ZCCHC4: variants seen among roughly 807,000 people sequenced by gnomAD.
ZCCHC4 encodes the protein rRNA N(6)-adenosine-methyltransferase ZCCHC4.
ZCCHC4 carries 54 observed loss-of-function variants against 67.7 expected under a neutral mutation model. That is an observed-to-expected ratio of 0.80 (90% confidence interval 0.64 to 1.00). ZCCHC4 has a LOEUF of 1.00. ZCCHC4 is among the 50% of genes least tolerant of loss of function. The pLI is 0.00. For missense variants in ZCCHC4, 609 were observed against 617.0 expected, an observed-to-expected ratio of 0.99 and a Z score of 0.14; for synonymous variants, 198 against 213.5, an observed-to-expected ratio of 0.93 and a Z score of 0.63.
At chr4:25,340,185 T>C (rs1251184355) in intron 5 of ZCCHC4, among the ~76,000 whole-genome samples, 1 of 152,140 alleles carries the variant, frequency 6.6e-6, no homozygotes. Flanking sequence ...TTTTATTTAT[T>C]GTATGAGGTA....
chr4:25,352,184 G>A, intron 8 of ZCCHC4: 1 of 985,594 alleles, frequency 1.0e-6, no homozygotes, highest in Non-Finnish European at 1.2e-6. Flanking sequence ...GGCTCTGTGT[G>A]AATGTGTTGA....
intron 3 of ZCCHC4, among the ~76,000 whole-genome samples, chr4:25,330,937 C>T (rs570883297): frequency 1.3e-5 from 2 of 152,310 alleles, no homozygotes; most frequent in Admixed American, 1.3e-4. Context: ...GTCAGCTAGT[C>T]TGGAGCGTTT....
In ZCCHC4 at chr4:25,363,251, C is replaced by T. The variant is rs370746210; in HGVS notation, c.1209+950C>T. ...TAGTTTTTCCTTTTCCAGAATATCA[C>T]ACAGTTGGAATCATATAGTATATAG... On this transcript the variant is annotated intron_variant, in intron 10 of 12. Transcript: ENST00000302874. 3.9e-5 allele frequency among the ~76,000 whole-genome samples: 6 copies of T among 152,334 alleles called. No individual in the cohort carries two copies. The East Asian group carries it at 5.8e-4, about 15-fold the overall frequency.
intron 5 of ZCCHC4, 68 bp from the exon 6 acceptor site, chr4:25,345,479 TA>T: frequency 1.1e-6 from 1 of 922,648 alleles, no homozygotes; most frequent in African/African-American, 1.7e-5. Flanking sequence ...TTTATTGTTT[TA>T]AAATTTAGTT....
rs76387353 is a variant in ZCCHC4, at chr4:25,326,480, A to G, written c.330-6703A>G. Among the ~76,000 whole-genome samples, 358 of 152,280 alleles carry G rather than the reference A, an allele frequency of 2.4e-3. 2 individuals are homozygous for G. Among genetic ancestry groups the G allele is most frequent in the African/African-American group, 8.2e-3 (339 of 41,552 alleles). On this transcript the variant is annotated intron_variant, in intron 3 of 12. Transcript: ENST00000302874. ...GAGGGGGCATCATTCAGCCTACTGC[A>G]GCACCTTTCTCAAAAGTCAGTTAAC...
At chr4:25,341,512 C>G (rs561459189) in intron 5 of ZCCHC4, among the ~76,000 whole-genome samples, 1 of 152,298 alleles carries the variant, frequency 6.6e-6, no homozygotes, top group African/African-American at 2.4e-5. Flanking sequence ...TTCCTTTCCA[C>G]CATAAGTAAA....
At chr4:25,313,630 C>CT (rs1335565810) in intron 1 of ZCCHC4, among the ~76,000 whole-genome samples, 1 of 152,156 alleles carries the variant, frequency 6.6e-6, no homozygotes, top group Non-Finnish European at 1.5e-5. Flanking sequence ...AGTTCCAGCA[C>CT]TTGGGGGGCC....
At chr4:25,321,492 C>T (rs1253338039) in intron 3 of ZCCHC4, among the ~76,000 whole-genome samples, 1 of 152,166 alleles carries the variant, frequency 6.6e-6, no homozygotes, top group Non-Finnish European at 1.5e-5. Flanking sequence ...CCTGCCTCAG[C>T]CTCCCAAGTA....
At chr4:25,316,838 T>C (rs990909943) in intron 3 of ZCCHC4, among the ~76,000 whole-genome samples, 2 of 152,234 alleles carry the variant, frequency 1.3e-5, no homozygotes, top group Non-Finnish European at 2.9e-5. Context: ...TCAATTTTTT[T>C]TGTTGTTGCT....
chr4:25,336,106 A>G (rs1338373247), intron 5 of ZCCHC4, among the ~76,000 whole-genome samples: 1 of 152,236 alleles, frequency 6.6e-6, no homozygotes, highest in Non-Finnish European at 1.5e-5. Flanking sequence ...AGTCATCACC[A>G]CTAGGTACTT....
chr4:25,341,933 A>G (rs1454193178), intron 5 of ZCCHC4, among the ~76,000 whole-genome samples: 1 of 152,212 alleles, frequency 6.6e-6, no homozygotes, highest in Non-Finnish European at 1.5e-5. Flanking sequence ...TGTAGTTGTA[A>G]TATCCTGGTC....
chr4:25,364,569 A>C, intron 11 of ZCCHC4, 64 bp downstream of exon 11: 1 of 1,357,748 alleles, frequency 7.4e-7, no homozygotes, highest in South Asian at 1.4e-5. Flanking sequence ...CTCCATCTAA[A>C]TAGATTTTTC....
At chr4:25,333,775 T>A (rs1577738357) in intron 4 of ZCCHC4, 133 bp from the exon 5 acceptor site, 1 of 710,406 alleles carries the variant, frequency 1.4e-6, no homozygotes, top group Middle Eastern at 4.0e-4. Flanking sequence ...TGATTATACC[T>A]GCCAAATTCT....
intron 3 of ZCCHC4, among the ~76,000 whole-genome samples, chr4:25,330,611 A>T (rs1181233324): frequency 6.6e-6 from 1 of 152,112 alleles, no homozygotes; most frequent in African/African-American, 2.4e-5. Context: ...TTATTATCTG[A>T]TCCTTTACAG....
In ZCCHC4 at chr4:25,333,273, T is replaced by G. The variant is rs1235884302; in HGVS notation, c.420T>G (p.His140Gln). 1 of 1,614,164 alleles carries G rather than the reference T, an allele frequency of 6.2e-7. No homozygotes were observed. The highest frequency in any genetic ancestry group is 2.2e-5 in the East Asian group (1 of 44,876). ...TGTTACCAGATGACTGGGGGCAACA[T>G]AGTGAGCATCAGGTTCTGGGTAATG... ...QLLLPDDWGQ[H>Q]SEHQVLGNVS... The change falls in exon 4 of 13, where the codon CAT (histidine) becomes CAG (glutamine). Residue 140 changes from histidine (H) to glutamine (Q), a missense_variant. His to Gln is a conservative substitution (Grantham distance 24). Coordinates refer to ENST00000302874, the MANE Select transcript of ZCCHC4 (RefSeq NM_024936.3).
intron 3 of ZCCHC4, among the ~76,000 whole-genome samples, chr4:25,325,636 C>T (rs1718842091): frequency 6.6e-6 from 1 of 152,140 alleles, no homozygotes; most frequent in Non-Finnish European, 1.5e-5. Context: ...TATTTTTTGT[C>T]ACTTAAGAGT....
At chr4:25,351,941 C>T (rs1720320602) in intron 8 of ZCCHC4, 1 of 1,124,844 alleles carries the variant, frequency 8.9e-7, no homozygotes, top group African/African-American at 1.6e-5. Context: ...AAAAATATCT[C>T]ACCAAGCTCC....
At chr4:25,338,799 C>G (rs566241544) in intron 5 of ZCCHC4, among the ~76,000 whole-genome samples, 70 of 152,274 alleles carry the variant, frequency 4.6e-4, no homozygotes, top group African/African-American at 1.7e-3. Flanking sequence ...ATCTTTTCAT[C>G]TGTTGATGGA....
rs536440619 is a variant in ZCCHC4 at position 25,370,217 on chromosome 4, C to T, written c.*1053C>T. 4.6e-5 allele frequency: 7 copies of T among 152,198 alleles called. No homozygotes were observed. The highest frequency in any genetic ancestry group is 1.7e-4 in the African/African-American group (7 of 41,540). 9.4% of individuals were successfully genotyped at this position (152,198 alleles called of 1,614,324 possible). On this transcript the variant is annotated 3_prime_UTR_variant, in exon 13 of 13. Transcript: ENST00000302874. ...AAGCCAGGATAGTTTGGTAATTAAA[C>T]GCCCAAACTAAACTCCTCATTCCTA... is the stretch of plus-strand genomic sequence containing the variant.
Sources: gnomAD v4.1 joint callset for allele counts (sites outside exome capture counted in the v4.1 genomes callset) on GRCh38, gnomAD v4.1.1 for gene constraint, MANE v1.5 for transcripts, NCBI Gene and HGNC (gene_info 2026-07-23, HGNC 2026-07-21) for gene names.